Variants in PPP3R1 observed in about 807,000 individuals in gnomAD.
The protein encoded by PPP3R1 is protein phosphatase 3 regulatory subunit B, alpha.
A neutral mutation model predicts 22.6 loss-of-function variants in PPP3R1; 5 were observed. The ratio of observed to expected loss-of-function variants is 0.22; its 90% CI spans 0.12 to 0.46. The LOEUF (loss-of-function observed/expected upper bound fraction) is 0.46. Ranked by LOEUF, PPP3R1 falls within the 20% of genes least tolerant of loss-of-function variation. The pLI, the probability that PPP3R1 is intolerant of heterozygous loss-of-function variation, is 0.99. For missense variants in PPP3R1, 61 were observed against 203.2 expected, an observed-to-expected ratio of 0.30 and a Z score of 4.25; for synonymous variants, 56 against 65.2, an observed-to-expected ratio of 0.86 and a Z score of 0.68.
Position 68,252,240 on chromosome 2 carries a change from CGGGGAGGGGGCGCGCGTG to C in PPP3R1, c.-131_-114del. The C allele has an allele frequency of 9.5e-7, 1 of 1,048,854 alleles. No individual in the cohort carries two copies. The allele number at this position is 1,048,854 out of a possible 1,614,324, so 65.0% of individuals were successfully genotyped here. On this transcript the variant is annotated 5_prime_UTR_variant, in exon 1 of 6. Coordinates refer to ENST00000234310, the MANE Select transcript of PPP3R1 (RefSeq NM_000945.4). Reference sequence around the variant, plus strand: ...CCAGCTGCGGCCCTCGGGTCGCCGGCGGGGAGGGGGCGCGCGTGGGGGAGGGGAGGCGGCGCCGCGGGG... The same window carrying C: ...CCAGCTGCGGCCCTCGGGTCGCCGGCGGGGAGGGGAGGCGGCGCCGCGGGG...
intron 1 of PPP3R1, among the ~76,000 whole-genome samples, chr2:68,223,526 T>A (rs982070823): frequency 2.0e-5 from 3 of 151,926 alleles, no homozygotes; most frequent in Admixed American, 2.0e-4. Context: ...ATTCCAGCAA[T>A]GGAAGGTTGG....
intron 1 of PPP3R1, among the ~76,000 whole-genome samples, chr2:68,225,902 G>C (rs879652418): frequency 1.3e-5 from 2 of 152,142 alleles, no homozygotes; most frequent in African/African-American, 4.8e-5. Context: ...GCTTTATTCA[G>C]CTTTATTCTT....
chr2:68,252,065 C>T, intron 1 of PPP3R1, 60 bp downstream of exon 1: 1 of 1,368,846 alleles, frequency 7.3e-7, no homozygotes, highest in Non-Finnish European at 9.7e-7. Flanking sequence ...CGCCCCCGCA[C>T]CCGACCCGGA....
intron 2 of PPP3R1, among the ~76,000 whole-genome samples, chr2:68,204,484 AT>A (rs1199592176): frequency 1.3e-5 from 2 of 152,132 alleles, no homozygotes. Flanking sequence ...GATTAAAAAT[AT>A]TGACTATGAA....
intron 2 of PPP3R1, among the ~76,000 whole-genome samples, chr2:68,197,452 A>G (rs1429885933): frequency 6.6e-6 from 1 of 152,174 alleles, no homozygotes; most frequent in African/African-American, 2.4e-5. Flanking sequence ...CATTCCTGTA[A>G]AGCTACTATA....
intron 2 of PPP3R1, among the ~76,000 whole-genome samples, chr2:68,202,842 G>A (rs550037247): frequency 6.7e-5 from 8 of 119,030 alleles, no homozygotes; most frequent in Non-Finnish European, 9.6e-5. Flanking sequence ...TCGCTCTGTC[G>A]CCCAGGCTGG....
chr2:68,200,354 G>A lies in PPP3R1; in HGVS notation c.44-11664C>T, dbSNP rs1674950237. On this transcript the variant is annotated intron_variant, in intron 2 of 5. Transcript: ENST00000234310. ...CTGACTTCCTCCTTATATAAAAAAT[G>A]ACTAAAAATGACCAACACACTAGAA... 2.6e-5 allele frequency among the ~76,000 whole-genome samples: 4 copies of A among 152,248 alleles called. No individual in the cohort carries two copies. In the South Asian group the frequency reaches 8.3e-4, roughly 32 times the overall value.
chr2:68,199,727 G>A (rs1674933589), intron 2 of PPP3R1, among the ~76,000 whole-genome samples: 1 of 152,048 alleles, frequency 6.6e-6, no homozygotes, highest in Non-Finnish European at 1.5e-5. Flanking sequence ...TTTCTCTTTT[G>A]TCAAAATAGT....
In PPP3R1 at chr2:68,183,487, T is replaced by C. The variant is rs867412252; in HGVS notation, c.466-2477A>G. 1.3e-4 allele frequency among the ~76,000 whole-genome samples: 20 copies of C among 152,344 alleles called. No individual in the cohort carries two copies. The Middle Eastern group carries it at 0.02, about 155-fold the overall frequency. On this transcript the variant is annotated intron_variant, in intron 5 of 5. Transcript: ENST00000234310. ...TCCATAAGCCCTCTCAGAAAACATA[T>C]TATTTTTGGCTTTGGAGTATTTTCT...
intron 1 of PPP3R1, among the ~76,000 whole-genome samples, chr2:68,223,092 T>C (rs1669716370): frequency 6.6e-6 from 1 of 152,032 alleles, no homozygotes; most frequent in East Asian, 1.9e-4. Flanking sequence ...AATCAGACAG[T>C]ATCACAAAAA....
intron 1 of PPP3R1, among the ~76,000 whole-genome samples, chr2:68,223,372 G>T (rs1488238407): frequency 6.6e-6 from 1 of 152,144 alleles, no homozygotes; most frequent in Non-Finnish European, 1.5e-5. Flanking sequence ...CTCTAGCCTA[G>T]GCAACAGTGC....
chr2:68,188,165 A>G (rs1259563480), intron 3 of PPP3R1, among the ~76,000 whole-genome samples: 2 of 152,150 alleles, frequency 1.3e-5, no homozygotes, highest in Non-Finnish European at 2.9e-5. Flanking sequence ...GCGAGACTCC[A>G]TCTCAAAAAA....
chr2:68,200,972 T>C (rs1297312459), intron 2 of PPP3R1, among the ~76,000 whole-genome samples: 2 of 152,234 alleles, frequency 1.3e-5, no homozygotes. Context: ...ATGATACAAA[T>C]ATACCTTCAA....
intron 1 of PPP3R1, among the ~76,000 whole-genome samples, chr2:68,219,283 C>T (rs1245101686): frequency 4.6e-5 from 7 of 152,088 alleles, no homozygotes; most frequent in Non-Finnish European, 8.8e-5. Flanking sequence ...GTCTACCTTC[C>T]ATTTAAAAAA....
At chr2:68,203,660 T>C (rs1675035182) in intron 2 of PPP3R1, among the ~76,000 whole-genome samples, 1 of 152,134 alleles carries the variant, frequency 6.6e-6, no homozygotes, top group Non-Finnish European at 1.5e-5. Context: ...ATAACCTTTT[T>C]CTCTGAAAAC....
chr2:68,180,025 T>C lies in PPP3R1; in HGVS notation c.*938A>G, dbSNP rs1363106462. On this transcript the variant is annotated 3_prime_UTR_variant, in exon 6 of 6. Transcript: ENST00000234310. ...CAAACAAATGGATATCCCTTATAAG[T>C]AGTTACATGATCACTTCAGGTATTC... 6.6e-6 allele frequency: 1 copy of C among 152,244 alleles called. No homozygotes were observed. The highest frequency in any genetic ancestry group is 1.5e-5 in the Non-Finnish European group (1 of 68,036). 9.4% of individuals were successfully genotyped at this position (152,244 alleles called of 1,614,324 possible).
intron 1 of PPP3R1, among the ~76,000 whole-genome samples, chr2:68,236,341 T>C (rs1670020005): frequency 6.6e-6 from 1 of 152,328 alleles, no homozygotes; most frequent in East Asian, 1.9e-4. Context: ...AGAGTTGAAA[T>C]GGTGCAACAG....
At chr2:68,217,667 T>C (rs909204566) in intron 1 of PPP3R1, among the ~76,000 whole-genome samples, 4 of 152,066 alleles carry the variant, frequency 2.6e-5, no homozygotes, top group South Asian at 4.1e-4. Context: ...GAAAGGTGAG[T>C]CTAACTTGAC....
intron 1 of PPP3R1, among the ~76,000 whole-genome samples, chr2:68,234,097 A>C (rs1669970048): frequency 6.6e-6 from 1 of 152,144 alleles, no homozygotes; most frequent in Non-Finnish European, 1.5e-5. Flanking sequence ...TAATCCCAGC[A>C]CTTTGGGAGG....
Sources: allele counts gnomAD v4.1 joint callset (sites outside exome capture counted in the v4.1 genomes callset), GRCh38; gene constraint gnomAD v4.1.1; transcripts MANE v1.5; gene names NCBI Gene and HGNC (gene_info 2026-07-23, HGNC 2026-07-21).